The following TTC39C variants were observed in gnomAD, a reference collection of about 807,000 sequenced individuals.
The protein encoded by TTC39C is tetratricopeptide repeat protein 39C.
A neutral mutation model predicts 76.3 loss-of-function variants in TTC39C; 33 were observed. That is an observed-to-expected ratio of 0.43 (90% confidence interval 0.33 to 0.58). The LOEUF is 0.58. TTC39C is among the 20% of genes least tolerant of loss of function. The pLI, the probability that TTC39C is intolerant of heterozygous loss-of-function variation, is 0.04. For synonymous variants in TTC39C, 254 were observed against 260.6 expected (o/e 0.97, Z 0.24); for missense variants, 595 against 701.4 (o/e 0.85, Z 1.71).
chr18:24,090,562 A>G (rs1277733874), intron 6 of TTC39C, among the ~76,000 whole-genome samples: 1 of 152,058 alleles, frequency 6.6e-6, no homozygotes, highest in Non-Finnish European at 1.5e-5. Context: ...TGTCACAATC[A>G]CAGCATTTTA....
chr18:24,038,993 A>G (rs1052901756), intron 1 of TTC39C, among the ~76,000 whole-genome samples: 14 of 152,194 alleles, frequency 9.2e-5, no homozygotes, highest in African/African-American at 3.4e-4. Flanking sequence ...ATTAGGGGTT[A>G]GGGCTTCAAC....
Position 24,014,777 on chromosome 18 carries a change from G to T in TTC39C, c.-95G>T, listed in dbSNP as rs1266596773. The T allele has an allele frequency of 1.7e-6, 2 of 1,153,412 alleles. No individual in the cohort carries two copies. Among genetic ancestry groups the T allele is most frequent in the Non-Finnish European group, 1.1e-6 (1 of 935,626 alleles). The allele number at this position is 1,153,412 out of a possible 1,614,324, so 71.4% of individuals were successfully genotyped here. ...CTCCCCTCCCCTCCCGGCTCCGCTT[G>T]GCTCCGGGCAGGTAGAGCCGGGCTC... On this transcript the variant is annotated 5_prime_UTR_variant, in exon 1 of 14. Transcript: ENST00000317571.
chr18:24,118,063 T>G, intron 7 of TTC39C, 62 bp from the exon 8 acceptor site: 1 of 1,373,326 alleles, frequency 7.3e-7, no homozygotes. Flanking sequence ...GGCTCGTGGC[T>G]TAAATATGGG....
intron 1 of TTC39C, among the ~76,000 whole-genome samples, chr18:23,995,091 T>A (rs912078576): frequency 6.6e-6 from 1 of 152,128 alleles, no homozygotes; most frequent in Non-Finnish European, 1.5e-5. Context: ...GCCTTTATGG[T>A]ATCACTTACC....
Position 24,118,112 on chromosome 18 carries a change from A to G in TTC39C, c.1079-13A>G, listed in dbSNP as rs780111910. 1.2e-6 allele frequency: 2 copies of G among 1,606,104 alleles called. No homozygotes were observed. The highest frequency in any genetic ancestry group is 1.7e-6 in the Non-Finnish European group (2 of 1,174,072). On this transcript the variant is annotated splice_polypyrimidine_tract_variant and intron_variant, in intron 7 of 13. Transcript: ENST00000317571. The stretch of plus-strand genomic sequence containing the variant: ...TACTTTAGGGTCATGTGCTAAAAAT[A>G]TTTCTTTCATAGGTTGGTGCAGCAT...
chr18:24,045,290 A>G (rs1467718069), intron 1 of TTC39C, among the ~76,000 whole-genome samples: 1 of 148,146 alleles, frequency 6.8e-6, no homozygotes, highest in African/African-American at 2.5e-5. Flanking sequence ...AAAAGCATGT[A>G]GCGTGTCCAA....
chr18:24,056,819 T>C (rs1223228592), intron 1 of TTC39C, among the ~76,000 whole-genome samples: 1 of 152,028 alleles, frequency 6.6e-6, no homozygotes, highest in Admixed American at 6.6e-5. Context: ...AAAGACACCT[T>C]ATCTTTTGTA....
intron 1 of TTC39C, among the ~76,000 whole-genome samples, chr18:24,044,052 TTGTG>T (rs56233680): frequency 0.077 from 11,421 of 147,826 alleles, 934 homozygotes; most frequent in African/African-American, 0.21. Context: ...TTGTGTATGT[TTGTG>T]TGTGTGTGTG....
intron 6 of TTC39C, chr18:24,099,373 T>A (rs2084648605): frequency 6.6e-6 from 1 of 151,632 alleles, no homozygotes. Context: ...AGGGCACAAA[T>A]TGCATTCATG....
chr18:24,131,462 C>A (rs1009043799), intron 12 of TTC39C, among the ~76,000 whole-genome samples: 7 of 151,970 alleles, frequency 4.6e-5, no homozygotes, highest in Admixed American at 2.0e-4. Flanking sequence ...CCTGTAATCC[C>A]AGCACTTTGG....
At chr18:24,122,173 A>G (rs2084975902) in intron 8 of TTC39C, among the ~76,000 whole-genome samples, 3 of 152,176 alleles carry the variant, frequency 2.0e-5, no homozygotes, top group Admixed American at 2.0e-4. Context: ...CTGCTTGACC[A>G]TGCCCAAATG....
At chr18:23,996,039 G>A (rs555843180) in intron 1 of TTC39C, among the ~76,000 whole-genome samples, 1 of 152,352 alleles carries the variant, frequency 6.6e-6, no homozygotes, top group African/African-American at 2.4e-5. Flanking sequence ...CCAGCAAGGA[G>A]AGATCCAATT....
At chr18:24,033,333 C>G (rs943336635) in intron 1 of TTC39C, among the ~76,000 whole-genome samples, 1 of 152,206 alleles carries the variant, frequency 6.6e-6, no homozygotes, top group Admixed American at 6.5e-5. Context: ...TTGCTGTGTT[C>G]TTTCCTTACT....
At chr18:24,022,980 T>C in intron 1 of TTC39C, 3 of 680,908 alleles carry the variant, frequency 4.4e-6, no homozygotes, top group Non-Finnish European at 3.6e-6. Flanking sequence ...CACATCTGCC[T>C]GTCTGCATGA....
intron 6 of TTC39C, among the ~76,000 whole-genome samples, chr18:24,105,304 G>A (rs1228419639): frequency 6.6e-6 from 1 of 152,118 alleles, no homozygotes; most frequent in East Asian, 1.9e-4. Flanking sequence ...GGCTAATACT[G>A]AAAACATTCA....
intron 4 of TTC39C, among the ~76,000 whole-genome samples, chr18:24,073,369 T>C (rs147529481): frequency 5.4e-4 from 82 of 152,266 alleles, no homozygotes; most frequent in Non-Finnish European, 6.2e-4. Flanking sequence ...TGAGCTGAGA[T>C]TCTCACACTC....
At chr18:24,046,154 G>C (rs1426397421) in intron 1 of TTC39C, among the ~76,000 whole-genome samples, 1 of 151,542 alleles carries the variant, frequency 6.6e-6, no homozygotes, top group East Asian at 1.9e-4. Flanking sequence ...TAGCCAGGAA[G>C]GTCTTGATCT....
intron 6 of TTC39C, among the ~76,000 whole-genome samples, chr18:24,088,536 C>T (rs553093122): frequency 1.3e-5 from 2 of 152,204 alleles, no homozygotes; most frequent in Non-Finnish European, 2.9e-5. Context: ...TAGCTATGGT[C>T]CTGCCCTTGG....
At chr18:24,111,395 C>T (rs1238751786) in intron 6 of TTC39C, among the ~76,000 whole-genome samples, 1 of 151,692 alleles carries the variant, frequency 6.6e-6, no homozygotes, top group Non-Finnish European at 1.5e-5. Context: ...ATGGTGAAAC[C>T]TCATCTGTAC....
Sources: allele counts gnomAD v4.1 joint callset (sites outside exome capture counted in the v4.1 genomes callset), GRCh38; gene constraint gnomAD v4.1.1; transcripts MANE v1.5; gene names NCBI Gene and HGNC (gene_info 2026-07-23, HGNC 2026-07-21).